SP1: variants seen among roughly 807,000 people sequenced by gnomAD.
SP1 encodes the protein Sp1 transcription factor, also known as transcription factor Sp1.
In SP1, 6 loss-of-function variants were observed where a neutral mutation model predicts 66.3. That is an observed-to-expected ratio of 0.09 (90% CI 0.05 to 0.18). The LOEUF is 0.18. SP1 is among the 10% of genes least tolerant of loss of function. The probability of loss-of-function intolerance (pLI) is 1.00; values close to 1 mark genes in which losing one functional copy is unlikely to be tolerated. For missense variants in SP1, 848 were observed against 964.5 expected (o/e 0.88, Z 1.60); for synonymous variants, 417 against 360.8 (o/e 1.16, Z -1.77).
rs1296315168 is a variant in SP1 at position 53,414,980 on chromosome 12, T to G, written c.*3740T>G. The G allele has an allele frequency of 6.6e-6, 1 of 152,578 alleles. No individual in the cohort carries two copies. Among genetic ancestry groups the G allele is most frequent in the Non-Finnish European group, 1.5e-5 (1 of 68,034 alleles). The allele number at this position is 152,578 out of a possible 1,614,324, so 9.5% of individuals were successfully genotyped here. A position where few individuals can be genotyped will look rare whatever the true frequency, so the allele number is the denominator to read the frequency against. ...TTGCATAGCTCTCCTTCCCCCTCACTGAAGCTGGGTAGCCTATTGGGGTTG... is the reference window on the plus strand; with the variant it reads ...TTGCATAGCTCTCCTTCCCCCTCACGGAAGCTGGGTAGCCTATTGGGGTTG... On this transcript the variant is annotated 3_prime_UTR_variant, in exon 6 of 6. Coordinates refer to ENST00000327443, the MANE Select transcript of SP1 (RefSeq NM_138473.3).
intron 3 of SP1, among the ~76,000 whole-genome samples, chr12:53,399,227 T>C (rs1438194376): frequency 6.6e-6 from 1 of 152,228 alleles, no homozygotes; most frequent in East Asian, 1.9e-4. Context: ...TTATCAAATA[T>C]TTGATTAAAC....
chr12:53,396,499 C>T (rs920740808), intron 3 of SP1, among the ~76,000 whole-genome samples: 6 of 151,242 alleles, frequency 4.0e-5, no homozygotes, highest in Non-Finnish European at 7.4e-5. Flanking sequence ...ACCCGGGAGG[C>T]GGAGCTGGCG....
chr12:53,401,219 G>T (rs1320584704), intron 3 of SP1, among the ~76,000 whole-genome samples: 1 of 151,950 alleles, frequency 6.6e-6, no homozygotes, highest in African/African-American at 2.4e-5. Flanking sequence ...GGCAGGCCAA[G>T]GCGGGTGGAT....
intron 3 of SP1, among the ~76,000 whole-genome samples, chr12:53,384,531 C>T (rs1327793423): frequency 1.3e-5 from 2 of 152,152 alleles, no homozygotes; most frequent in Non-Finnish European, 2.9e-5. Context: ...GTGAATCCAC[C>T]TGCCTCGGCC....
At position 53,407,947 on chromosome 12, in the gene SP1, T is replaced by C. The variant is rs547876081; in HGVS notation, c.1844+1194T>C. Among the ~76,000 whole-genome samples, 20 of 147,046 alleles carry C rather than the reference T, an allele frequency of 1.4e-4. No individual in the cohort carries two copies. The East Asian group carries it at 3.4e-3, about 25-fold the overall frequency. ...CATGGGGGCGCCCGGCCTTTTTTTT[T>C]TTTTAAGACAGATCTTCATCCGGGT... On this transcript the variant is annotated intron_variant, in intron 4 of 5. Transcript: ENST00000327443.
In SP1 at chr12:53,411,185, A is replaced by G. The variant is rs757135735; in HGVS notation, c.2303A>G (p.Asn768Ser). The G allele has an allele frequency of 1.7e-5, 27 of 1,613,862 alleles. No individual in the cohort carries two copies. Among genetic ancestry groups the G allele is most frequent in the South Asian group, 1.3e-4 (12 of 91,082 alleles). The stretch of plus-strand genomic sequence containing the variant: ...GCCCGTCTTGCCAACAGTGGCATCA[A>G]CGTCATGCAGGTGGCAGATCTGCAG... ...GIARLANSGINVMQVADLQSI... is the reference protein window; with the variant it reads ...GIARLANSGISVMQVADLQSI... The change falls in exon 6 of 6, where the codon AAC becomes AGC. Residue 768 changes from asparagine to serine, a missense_variant. Physicochemically the swap from Asn to Ser is conservative, Grantham distance 46. Around this residue, in one of 7 missense-constraint regions of SP1, gnomAD observed 73 missense variants for 91.9 expected, o/e 0.79. Transcript: ENST00000327443.
chr12:53,383,071 C>G lies in SP1; in HGVS notation c.1124C>G (p.Thr375Arg). 1 of 1,614,190 alleles carries G rather than the reference C, an allele frequency of 6.2e-7. No homozygotes were observed. Residue 375 changes from threonine (T) to arginine (R), a missense_variant, in exon 3 of 6, where the codon ACA becomes AGA. Coordinates refer to ENST00000327443, the MANE Select transcript of SP1 (RefSeq NM_138473.3). ...GCTCTGAACATCCAGCAAAACCAGA[C>G]ATCTGGAGGCTCATTGCAAGCAGGC... ...SDALNIQQNQ[T>R]SGGSLQAGQQ...
chr12:53,388,245 G>A (rs1365355972), intron 3 of SP1, among the ~76,000 whole-genome samples: 1 of 152,034 alleles, frequency 6.6e-6, no homozygotes, highest in African/African-American at 2.4e-5. Flanking sequence ...GCAAACTGTG[G>A]GATTATTCCT....
chr12:53,398,012 C>T (rs1938528467), intron 3 of SP1, among the ~76,000 whole-genome samples: 1 of 151,926 alleles, frequency 6.6e-6, no homozygotes, highest in Admixed American at 6.6e-5. Context: ...GATGAACTTC[C>T]TTACTTTAAT....
At chr12:53,386,768 T>C (rs1312017357) in intron 3 of SP1, among the ~76,000 whole-genome samples, 3 of 151,382 alleles carry the variant, frequency 2.0e-5, no homozygotes, top group African/African-American at 7.3e-5. Flanking sequence ...GGATTACAGG[T>C]GTGAGCCACT....
Position 53,411,648 on chromosome 12 carries a change from ATAT to A in SP1, c.*415_*417del, listed in dbSNP as rs904673226. On this transcript the variant is annotated 3_prime_UTR_variant, in exon 6 of 6. Coordinates refer to ENST00000327443, the MANE Select transcript of SP1 (RefSeq NM_138473.3). ...TACTTTTTAACAAAAAACAGATTCTATATTATTATATATATATATATATATATA... is the reference window on the plus strand; with the variant it reads ...TACTTTTTAACAAAAAACAGATTCTATATTATATATATATATATATATATA... 2.9e-5 allele frequency: 4 copies of A among 135,626 alleles called. No individual in the cohort carries two copies. The highest frequency in any genetic ancestry group is 6.1e-5 in the Non-Finnish European group (4 of 65,776). 8.4% of individuals were successfully genotyped at this position (135,626 alleles called of 1,614,324 possible).
chr12:53,380,518 G>C, intron 1 of SP1: 1 of 514,092 alleles, frequency 1.9e-6, no homozygotes. Flanking sequence ...GGAGGGGGCA[G>C]CGTGGCCTCG....
At chr12:53,380,595 AGGCTCCTCCCGCCGGG>A (rs975619242) in intron 1 of SP1, 26 of 997,104 alleles carry the variant, frequency 2.6e-5, no homozygotes, top group Non-Finnish European at 3.1e-5. Context: ...CGCCCGCCTG[AGGCTCCTCCCGCCGGG>A]GGCTGGAGCC....
chr12:53,404,952 G>T (rs1479192361), intron 3 of SP1, among the ~76,000 whole-genome samples: 1 of 152,098 alleles, frequency 6.6e-6, no homozygotes, highest in Admixed American at 6.5e-5. Context: ...TCCTGTCTCA[G>T]CCTCCCGAAT....
At chr12:53,393,111 C>T in intron 3 of SP1, among the ~76,000 whole-genome samples, 1 of 152,124 alleles carries the variant, frequency 6.6e-6, no homozygotes, top group East Asian at 1.9e-4. Context: ...CATGAGCCAC[C>T]ACGCCTGGCC....
intron 3 of SP1, among the ~76,000 whole-genome samples, chr12:53,406,316 A>G (rs1177537213): frequency 6.6e-6 from 1 of 151,760 alleles, no homozygotes; most frequent in East Asian, 1.9e-4. Context: ...TGATCCGCCC[A>G]CCTCGGCCTC....
At position 53,413,443 on chromosome 12, in the gene SP1, T is replaced by C. The variant is rs1266606248; in HGVS notation, c.*2203T>C. On this transcript the variant is annotated 3_prime_UTR_variant, in exon 6 of 6. Coordinates refer to ENST00000327443, the MANE Select transcript of SP1 (RefSeq NM_138473.3). ...CCATCCAAATTAAGTTTTGGGTAAG[T>C]GTGTTGTTTAATCTGAACTATAGTA... 5 of 152,610 alleles carry C rather than the reference T, an allele frequency of 3.3e-5. No individual in the cohort carries two copies. The highest frequency in any genetic ancestry group is 2.0e-4 in the Admixed American group (3 of 15,272). 9.5% of individuals were successfully genotyped at this position (152,610 alleles called of 1,614,324 possible).
At chr12:53,385,549 C>T (rs1359309006) in intron 3 of SP1, among the ~76,000 whole-genome samples, 71 of 150,502 alleles carry the variant, frequency 4.7e-4, no homozygotes, top group African/African-American at 1.6e-3. Context: ...GAGCCGAGAT[C>T]GCGCCACTGC....
chr12:53,381,524 A>G, intron 1 of SP1, 135 bp from the exon 2 acceptor site: 1 of 729,486 alleles, frequency 1.4e-6, no homozygotes, highest in East Asian at 2.8e-5. Flanking sequence ...TCTGCCCTCC[A>G]ATCCATTTTC....
Sources: gnomAD v4.1 joint callset for allele counts (sites outside exome capture counted in the v4.1 genomes callset) on GRCh38, gnomAD v4.1.1 for gene constraint, gnomAD v4.1.1 regional missense constraint, MANE v1.5 for transcripts, NCBI Gene and HGNC (gene_info 2026-07-23, HGNC 2026-07-21) for gene names.